NHSL2: variants seen among roughly 807,000 people sequenced by gnomAD.
NHSL2 encodes NHS-like protein 2.
A neutral mutation model predicts 53.4 loss-of-function variants in NHSL2; 27 were observed. The ratio of observed to expected loss-of-function variants is 0.51; its 90% confidence interval spans 0.37 to 0.70. The LOEUF is 0.70. NHSL2 is among the 30% of genes least tolerant of loss of function. NHSL2 has a pLI of 0.00. For synonymous variants in NHSL2, 408 were observed against 404.1 expected (o/e 1.01, Z -0.12); for missense variants, 892 against 980.1 (o/e 0.91, Z 1.20).
In NHSL2 at chrX:72,066,940, G is replaced by C. The variant is rs188333803; in HGVS notation, c.281-65139G>C. On this transcript the variant is annotated intron_variant, in intron 1 of 7. Transcript: ENST00000633930. ...AGCCCAGGAGTTCAAGACCAGCCTG[G>C]GCAACATAGTGAGACCCCATCTCTA... Among the ~76,000 whole-genome samples the C allele has an allele frequency of 1.1e-3, 126 of 111,237 alleles. 2 individuals are homozygous for C. The highest frequency in any genetic ancestry group is 3.9e-3 in the African/African-American group (119 of 30,578).
intron 1 of NHSL2, among the ~76,000 whole-genome samples, chrX:71,995,596 C>T (rs1486069382): frequency 1.8e-5 from 2 of 111,674 alleles, no homozygotes; most frequent in Non-Finnish European, 3.8e-5. Context: ...TAGGTACCTG[C>T]GTGGTTCACT....
In NHSL2 at chrX:71,922,420, C is replaced by A. The variant is rs576133820; in HGVS notation, c.280+11053C>A. ...AACTATGGGGGGCACTTTTGGCATC[C>A]CTCCATAGTGTGATCAGAGAGGGGA... On this transcript the variant is annotated intron_variant, in intron 1 of 7. Coordinates refer to ENST00000633930, the MANE Select transcript of NHSL2 (RefSeq NM_001013627.3). Among the ~76,000 whole-genome samples, 62 of 112,003 alleles carry A rather than the reference C, an allele frequency of 5.5e-4. No homozygotes were observed. The Middle Eastern group carries it at 0.014, about 25-fold the overall frequency.
At chrX:72,072,596 C>T (rs1033019092) in intron 1 of NHSL2, among the ~76,000 whole-genome samples, 1 of 111,774 alleles carries the variant, frequency 8.9e-6, no homozygotes, top group Non-Finnish European at 1.9e-5. Context: ...TGGAACACCT[C>T]CTCCACCTGC....
At chrX:71,928,429 G>T (rs912032656) in intron 1 of NHSL2, among the ~76,000 whole-genome samples, 1 of 112,411 alleles carries the variant, frequency 8.9e-6, no homozygotes, top group Middle Eastern at 4.6e-3. Context: ...TGCAATAAAA[G>T]ATGCTTTGTG....
intron 1 of NHSL2, among the ~76,000 whole-genome samples, chrX:71,955,201 A>G (rs1281737863): frequency 8.9e-6 from 1 of 112,010 alleles, no homozygotes; most frequent in Non-Finnish European, 1.9e-5. Flanking sequence ...CTCATCTTCT[A>G]TGTGCTTCAG....
intron 1 of NHSL2, chrX:72,130,574 G>T (rs756761561): frequency 8.3e-7 from 1 of 1,211,063 alleles, no homozygotes; most frequent in South Asian, 1.8e-5. Context: ...ATGATATTTC[G>T]AACTCCAGGG....
At chrX:72,045,329 T>G (rs1194963542) in intron 1 of NHSL2, among the ~76,000 whole-genome samples, 1 of 112,247 alleles carries the variant, frequency 8.9e-6, no homozygotes, top group Non-Finnish European at 1.9e-5. Flanking sequence ...AAGGAGGGGC[T>G]GGCAGGAGCC....
At chrX:71,993,437 C>T (rs753484595) in intron 1 of NHSL2, among the ~76,000 whole-genome samples, 14 of 111,947 alleles carry the variant, frequency 1.3e-4, no homozygotes, top group Non-Finnish European at 2.3e-4. Flanking sequence ...TAAGCCAAGC[C>T]CTGGCCTGGT....
chrX:71,915,894 G>C (rs1019959068), intron 1 of NHSL2, among the ~76,000 whole-genome samples: 1 of 112,298 alleles, frequency 8.9e-6, no homozygotes, highest in Non-Finnish European at 1.9e-5. Flanking sequence ...GTAACTGAGG[G>C]CACCCTGTGG....
At chrX:72,131,195 C>T (rs1370150255) in intron 1 of NHSL2, 2 of 1,190,516 alleles carry the variant, frequency 1.7e-6, no homozygotes, top group South Asian at 3.6e-5. Context: ...TCAGCGGGCC[C>T]GTCGGGGGTG....
intron 1 of NHSL2, among the ~76,000 whole-genome samples, chrX:71,974,348 A>G (rs1037527258): frequency 2.7e-5 from 3 of 112,177 alleles, no homozygotes; most frequent in Non-Finnish European, 5.6e-5. Context: ...TTACAATGTG[A>G]GGCTTACTTT....
At chrX:72,085,717 T>TG (rs1440344789) in intron 1 of NHSL2, among the ~76,000 whole-genome samples, 2 of 102,300 alleles carry the variant, frequency 2.0e-5, no homozygotes, top group Admixed American at 2.0e-4. Flanking sequence ...TTTTTTTTGT[T>TG]TTTTTTTTTT....
intron 1 of NHSL2, among the ~76,000 whole-genome samples, chrX:72,004,380 G>T (rs1177270941): frequency 8.9e-6 from 1 of 112,087 alleles, no homozygotes; most frequent in Non-Finnish European, 1.9e-5. Context: ...GTGAGCTGCT[G>T]TTGCCACCTA....
At chrX:71,981,125 G>A (rs2041976494) in intron 1 of NHSL2, among the ~76,000 whole-genome samples, 2 of 112,116 alleles carry the variant, frequency 1.8e-5, no homozygotes, top group Admixed American at 9.5e-5. Context: ...TGGTTTCTTA[G>A]ATATAACACC....
At chrX:71,947,037 C>T (rs1250367097) in intron 1 of NHSL2, among the ~76,000 whole-genome samples, 2 of 112,268 alleles carry the variant, frequency 1.8e-5, no homozygotes, top group Admixed American at 1.9e-4. Context: ...CAGGAAGGCT[C>T]ATTGAGGACT....
At chrX:72,067,156 A>G (rs1034193553) in intron 1 of NHSL2, among the ~76,000 whole-genome samples, 1 of 110,728 alleles carries the variant, frequency 9.0e-6, no homozygotes, top group African/African-American at 3.3e-5. Context: ...AAAACAGACA[A>G]ACAAACAAAC....
chrX:72,070,628 G>A (rs1458480135), intron 1 of NHSL2, among the ~76,000 whole-genome samples: 1 of 110,233 alleles, frequency 9.1e-6, no homozygotes, highest in African/African-American at 3.3e-5. Context: ...ACCTTCCACT[G>A]CTACCTGGGG....
At chrX:71,930,643 A>G (rs1052556604) in intron 1 of NHSL2, among the ~76,000 whole-genome samples, 2 of 112,395 alleles carry the variant, frequency 1.8e-5, no homozygotes, top group Middle Eastern at 4.6e-3. Flanking sequence ...GTCATATAAT[A>G]TGTAGTCTTT....
rs766592311 is a variant in NHSL2 at position 71,960,732 on chromosome X, G to T, written c.280+49365G>T. On this transcript the variant is annotated intron_variant, in intron 1 of 7. Coordinates refer to ENST00000633930, the MANE Select transcript of NHSL2 (RefSeq NM_001013627.3). The stretch of plus-strand genomic sequence containing the variant: ...CTTCACTGTCCAATTTATTCCATTT[G>T]TTTATGTCTTTCTTTATGCCAGTAC... Among the ~76,000 whole-genome samples the T allele has an allele frequency of 2.4e-3, 273 of 112,016 alleles. 1 individual carries two copies. Among genetic ancestry groups the T allele is most frequent in the African/African-American group, 8.5e-3 (262 of 30,881 alleles).
Sources: allele counts gnomAD v4.1 joint callset (sites outside exome capture counted in the v4.1 genomes callset), GRCh38; gene constraint gnomAD v4.1.1; transcripts MANE v1.5; gene names NCBI Gene and HGNC (gene_info 2026-07-23, HGNC 2026-07-21).